LUZP2: variants seen among roughly 807,000 people sequenced by gnomAD.
LUZP2 encodes the protein leucine zipper protein 2.
Under a neutral mutation model 51.6 loss-of-function variants are expected in LUZP2, and 52 were observed. The ratio of observed to expected loss-of-function variants is 1.01; its 90% CI spans 0.81 to 1.27. LUZP2 has a LOEUF of 1.27. Ranked by LOEUF, LUZP2 falls within the 50% of genes most tolerant of loss-of-function variation. The pLI is 0.00. For synonymous variants in LUZP2, 154 were observed against 137.3 expected, an observed-to-expected ratio of 1.12 and a Z score of -0.85; for missense variants, 436 against 395.4, an observed-to-expected ratio of 1.10 and a Z score of -0.87.
intron 10 of LUZP2, among the ~76,000 whole-genome samples, chr11:25,052,543 A>G (rs1381037712): frequency 6.6e-6 from 1 of 152,340 alleles, no homozygotes; most frequent in East Asian, 1.9e-4. Context: ...TGAGCAATTC[A>G]TCTGGAAATT....
At chr11:24,907,961 T>C (rs1853510906) in intron 6 of LUZP2, among the ~76,000 whole-genome samples, 1 of 152,158 alleles carries the variant, frequency 6.6e-6, no homozygotes, top group African/African-American at 2.4e-5. Flanking sequence ...CTGTATGTCA[T>C]TATGTATTTA....
At position 24,955,079 on chromosome 11, in the gene LUZP2, G is replaced by T. The variant is rs1855177770; in HGVS notation, c.523-21512G>T. Among the ~76,000 whole-genome samples the T allele has an allele frequency of 2.0e-5, 3 of 152,052 alleles. No homozygotes were observed. The South Asian group carries it at 6.2e-4, about 32-fold the overall frequency. Reference sequence around the variant, plus strand: ...TACACGTGGGTCAAAATATCTCCCTGGCAGCCTAGCAAAACACTAGTACTT... The same window carrying T: ...TACACGTGGGTCAAAATATCTCCCTTGCAGCCTAGCAAAACACTAGTACTT... On this transcript the variant is annotated intron_variant, in intron 7 of 11. Coordinates refer to ENST00000336930, the MANE Select transcript of LUZP2 (RefSeq NM_001009909.4).
intron 9 of LUZP2, among the ~76,000 whole-genome samples, chr11:25,029,269 T>C (rs2133987086): frequency 6.6e-6 from 1 of 152,258 alleles, no homozygotes; most frequent in African/African-American, 2.4e-5. Flanking sequence ...CTTGAGGAGA[T>C]GGGAACCTTA....
chr11:24,959,438 C>T (rs377259986), intron 7 of LUZP2, among the ~76,000 whole-genome samples: 140 of 152,032 alleles, frequency 9.2e-4, no homozygotes, highest in African/African-American at 2.5e-3. Flanking sequence ...CCTTGAGCAG[C>T]GGTTTGTAGT....
intron 1 of LUZP2, among the ~76,000 whole-genome samples, chr11:24,672,023 C>T (rs943418752): frequency 2.0e-5 from 3 of 151,942 alleles, no homozygotes; most frequent in Non-Finnish European, 4.4e-5. Flanking sequence ...GGCTTTTTGG[C>T]AAAATACATT....
intron 1 of LUZP2, among the ~76,000 whole-genome samples, chr11:24,572,199 C>T (rs891045383): frequency 1.3e-5 from 2 of 151,906 alleles, no homozygotes; most frequent in African/African-American, 4.8e-5. Context: ...CAAATTCCAA[C>T]TATTTTAAAT....
intron 9 of LUZP2, among the ~76,000 whole-genome samples, chr11:25,046,291 C>G (rs902593201): frequency 6.6e-6 from 1 of 151,040 alleles, no homozygotes; most frequent in Non-Finnish European, 1.5e-5. Flanking sequence ...TACTGAGGAG[C>G]AAATGGGAGC....
chr11:24,890,773 T>C (rs1852826539), intron 5 of LUZP2: 1 of 364,044 alleles, frequency 2.7e-6, no homozygotes, highest in African/African-American at 2.2e-5. Context: ...CAATGAAAAT[T>C]TGTGCAAATA....
rs1315291578 is a variant in LUZP2 at position 25,054,627 on chromosome 11, A to T, written c.858+4497A>T. ...TCTTTAGTATCTTTGTCAAAAAATA[A>T]CTGACACAAACATGAGTTCATTTCT... On this transcript the variant is annotated intron_variant, in intron 10 of 11. Coordinates refer to ENST00000336930, the MANE Select transcript of LUZP2 (RefSeq NM_001009909.4). 2.0e-5 allele frequency among the ~76,000 whole-genome samples: 3 copies of T among 152,246 alleles called. No homozygotes were observed. In the South Asian group the frequency reaches 6.2e-4, roughly 32 times the overall value.
intron 10 of LUZP2, among the ~76,000 whole-genome samples, chr11:25,065,399 T>A (rs1858970118): frequency 6.6e-6 from 1 of 152,082 alleles, no homozygotes; most frequent in Non-Finnish European, 1.5e-5. Flanking sequence ...GGGATGAGTG[T>A]CACTCAGATA....
At chr11:24,765,629 C>CTTTTTTTTTTTTTTTTTT (rs762443498) in intron 5 of LUZP2, among the ~76,000 whole-genome samples, 18 of 133,016 alleles carry the variant, frequency 1.4e-4, no homozygotes, top group East Asian at 2.1e-4. Flanking sequence ...TTTCTTTTTT[C>CTTTTTTTTTTTTTTTTTT]TTTTTTTTTT....
intron 1 of LUZP2, among the ~76,000 whole-genome samples, chr11:24,580,987 C>T (rs1852833078): frequency 6.6e-6 from 1 of 151,926 alleles, no homozygotes; most frequent in African/African-American, 2.4e-5. Context: ...GGATGTTTTC[C>T]TAGATTGCAT....
intron 7 of LUZP2, among the ~76,000 whole-genome samples, chr11:24,964,976 A>G (rs1375915507): frequency 1.3e-5 from 2 of 151,778 alleles, no homozygotes; most frequent in Non-Finnish European, 2.9e-5. Flanking sequence ...CAGAAAGTAC[A>G]ATTTCTAGAT....
intron 10 of LUZP2, among the ~76,000 whole-genome samples, chr11:25,062,691 T>C (rs1158817254): frequency 6.6e-6 from 1 of 151,120 alleles, no homozygotes; most frequent in Non-Finnish European, 1.5e-5. Context: ...TTTATCATTG[T>C]GCTATGACAT....
Position 24,957,401 on chromosome 11 carries a change from T to C in LUZP2, c.523-19190T>C, listed in dbSNP as rs186626626. On this transcript the variant is annotated intron_variant, in intron 7 of 11. Transcript: ENST00000336930. ...GAAATTACTCTTAGCAAATTTGATA[T>C]GTATCATAATATTTACTATATTCAT... Among the ~76,000 whole-genome samples, 310 of 152,202 alleles carry C rather than the reference T, an allele frequency of 2.0e-3. 3 individuals are homozygous for C. Among genetic ancestry groups the C allele is most frequent in the African/African-American group, 7.0e-3 (292 of 41,548 alleles).
At chr11:24,598,115 A>AG (rs1420277438) in intron 1 of LUZP2, among the ~76,000 whole-genome samples, 81 of 151,814 alleles carry the variant, frequency 5.3e-4, no homozygotes, top group Admixed American at 1.8e-3. Context: ...AAAAAAAAAA[A>AG]AGAGAGAGAC....
At chr11:24,711,673 T>A (rs1857833366) in intron 1 of LUZP2, among the ~76,000 whole-genome samples, 1 of 152,074 alleles carries the variant, frequency 6.6e-6, no homozygotes, top group Non-Finnish European at 1.5e-5. Context: ...GATTTCTTTA[T>A]ACACACACCG....
chr11:24,716,149 A>C (rs952112262), intron 1 of LUZP2, among the ~76,000 whole-genome samples: 1 of 152,202 alleles, frequency 6.6e-6, no homozygotes, highest in Non-Finnish European at 1.5e-5. Context: ...TGCTTGCTAT[A>C]ATAAATAATT....
intron 5 of LUZP2, among the ~76,000 whole-genome samples, chr11:24,824,905 A>T (rs1850478881): frequency 6.6e-6 from 1 of 152,248 alleles, no homozygotes; most frequent in African/African-American, 2.4e-5. Flanking sequence ...ATGCCAAATA[A>T]AATTTTTGCT....
Sources: gnomAD v4.1 joint callset for allele counts (sites outside exome capture counted in the v4.1 genomes callset) on GRCh38, gnomAD v4.1.1 for gene constraint, MANE v1.5 for transcripts, NCBI Gene and HGNC (gene_info 2026-07-23, HGNC 2026-07-21) for gene names.